Variants in ANKRD10 observed in about 807,000 individuals in gnomAD.
ANKRD10 encodes ankyrin repeat domain-containing protein 10.
In ANKRD10, 14 loss-of-function variants were observed where a neutral mutation model predicts 27.0. That is an observed-to-expected ratio of 0.52 (90% CI 0.34 to 0.81). The LOEUF (loss-of-function observed/expected upper bound fraction) is 0.81, where lower values mean the gene tolerates loss of function less well. Ranked by LOEUF, ANKRD10 falls within the 40% of genes least tolerant of loss-of-function variation. The pLI is 0.01. For synonymous variants in ANKRD10, 250 were observed against 224.5 expected, an observed-to-expected ratio of 1.11 and a Z score of -1.01; for missense variants, 493 against 544.0, an observed-to-expected ratio of 0.91 and a Z score of 0.93.
intron 4 of ANKRD10, among the ~76,000 whole-genome samples, chr13:110,887,376 A>G (rs1391036606): frequency 6.6e-6 from 1 of 152,160 alleles, no homozygotes; most frequent in Non-Finnish European, 1.5e-5. Context: ...AGGTCGTGCC[A>G]CTACAGAGGC....
intron 1 of ANKRD10, among the ~76,000 whole-genome samples, chr13:110,911,042 T>C (rs755152082): frequency 3.3e-5 from 5 of 152,228 alleles, no homozygotes; most frequent in Admixed American, 6.5e-5. Flanking sequence ...TTCCCTACAA[T>C]TGAATAAGCC....
intron 3 of ANKRD10, chr13:110,894,403 CAAAAAAA>C (rs5806877): frequency 2.1e-4 from 13 of 62,718 alleles, no homozygotes; most frequent in East Asian, 2.0e-3. Context: ...ACTGTTAATG[CAAAAAAA>C]AAAAAAAAAA....
At chr13:110,892,780 G>A (rs1231191866) in intron 4 of ANKRD10, 35 of 1,216,436 alleles carry the variant, frequency 2.9e-5, no homozygotes, top group Non-Finnish European at 3.3e-5. Flanking sequence ...GGTAAACATG[G>A]GTGCTCAAAA....
chr13:110,879,759 C>G lies in ANKRD10; in HGVS notation c.1141G>C (p.Gly381Arg). ...NLYYGHYHGFGDTAESIPELN... is the reference protein window; with the variant it reads ...NLYYGHYHGFRDTAESIPELN... Reference sequence around the variant, plus strand: ...TCTGGGATGCTTTCAGCAGTGTCCCCAAACCCGTGGTAGTGTCCATAGTAC... The same window carrying G: ...TCTGGGATGCTTTCAGCAGTGTCCCGAAACCCGTGGTAGTGTCCATAGTAC... Residue 381 changes from glycine to arginine, a missense_variant, in exon 6 of 6, where the codon GGG becomes CGG. Physicochemically the swap from Gly to Arg is moderately radical, Grantham distance 125. Coordinates refer to ENST00000267339, the MANE Select transcript of ANKRD10 (RefSeq NM_017664.4). 2 of 1,614,222 alleles carry G rather than the reference C, an allele frequency of 1.2e-6. No individual in the cohort carries two copies. Among genetic ancestry groups the G allele is most frequent in the Non-Finnish European group, 8.5e-7 (1 of 1,180,036 alleles).
intron 1 of ANKRD10, 122 bp downstream of exon 1, chr13:110,914,603 C>T: frequency 1.4e-6 from 2 of 1,395,848 alleles, no homozygotes; most frequent in South Asian, 1.5e-5. Flanking sequence ...GCACAGGCGC[C>T]GTCGATCCCG....
At chr13:110,898,616 C>T (rs1430099525) in intron 3 of ANKRD10, among the ~76,000 whole-genome samples, 1 of 152,106 alleles carries the variant, frequency 6.6e-6, no homozygotes, top group Non-Finnish European at 1.5e-5. Flanking sequence ...ATCACCCAGG[C>T]TGGAGTGCAG....
At chr13:110,892,823 A>G (rs2065117755) in intron 4 of ANKRD10, 1 of 1,358,198 alleles carries the variant, frequency 7.4e-7, no homozygotes, top group East Asian at 2.7e-5. Context: ...TTGGGCCATC[A>G]GTATTTCCCT....
chr13:110,887,835 C>T (rs1004487125), intron 4 of ANKRD10, among the ~76,000 whole-genome samples: 2 of 152,166 alleles, frequency 1.3e-5, no homozygotes, highest in East Asian at 1.9e-4. Flanking sequence ...GGACCCCTCC[C>T]GCCTGTGGCC....
chr13:110,878,572 G>A lies in ANKRD10; in HGVS notation c.*1065C>T, dbSNP rs1344692519. ...GAGAGTTTTTTATTCAATTTGTGAA[G>A]GACAGTTTTAGAACAAAATGTTAGT... is the stretch of plus-strand genomic sequence containing the variant. On this transcript the variant is annotated 3_prime_UTR_variant, in exon 6 of 6. Coordinates refer to ENST00000267339, the MANE Select transcript of ANKRD10 (RefSeq NM_017664.4). 1.3e-5 allele frequency: 2 copies of A among 152,262 alleles called. No individual in the cohort carries two copies. The highest frequency in any genetic ancestry group is 2.9e-5 in the Non-Finnish European group (2 of 68,036). The allele number at this position is 152,262 out of a possible 1,614,324, so 9.4% of individuals were successfully genotyped here.
At chr13:110,907,622 C>G (rs1304318208) in intron 2 of ANKRD10, among the ~76,000 whole-genome samples, 1 of 152,108 alleles carries the variant, frequency 6.6e-6, no homozygotes, top group Non-Finnish European at 1.5e-5. Context: ...TCTAAAGAGA[C>G]TATAAAGCAA....
At chr13:110,912,096 A>C (rs1296008957) in intron 1 of ANKRD10, among the ~76,000 whole-genome samples, 1 of 152,234 alleles carries the variant, frequency 6.6e-6, no homozygotes, top group Non-Finnish European at 1.5e-5. Flanking sequence ...CGCATTCAAC[A>C]AATTTACCAA....
chr13:110,880,802 C>T lies in ANKRD10; in HGVS notation c.788-690G>A, dbSNP rs550609720. Among the ~76,000 whole-genome samples, 10 of 152,198 alleles carry T rather than the reference C, an allele frequency of 6.6e-5. No homozygotes were observed. In the South Asian group the frequency reaches 2.1e-3, roughly 32 times the overall value. On this transcript the variant is annotated intron_variant, in intron 5 of 5. Coordinates refer to ENST00000267339, the MANE Select transcript of ANKRD10 (RefSeq NM_017664.4). The stretch of plus-strand genomic sequence containing the variant: ...GAGCAGTGGCAGAATACAGAGAGAC[C>T]GGCGACCACAGCAAGGAACTGTAAC...
intron 3 of ANKRD10, chr13:110,894,413 A>AAAAAAAAAC (rs2065169509): frequency 3.3e-6 from 1 of 302,976 alleles, no homozygotes; most frequent in Non-Finnish European, 6.0e-6. Context: ...CAAAAAAAAA[A>AAAAAAAAAC]AAAAAAAAAA....
chr13:110,885,559 AAAAG>A lies in ANKRD10; in HGVS notation c.692-1770_692-1767del, dbSNP rs367686330. Among the ~76,000 whole-genome samples the A allele has an allele frequency of 1.4e-3, 220 of 152,186 alleles. 1 individual carries two copies. The highest frequency in any genetic ancestry group is 3.9e-3 in the African/African-American group (160 of 41,520). On this transcript the variant is annotated intron_variant, in intron 4 of 5. Coordinates refer to ENST00000267339, the MANE Select transcript of ANKRD10 (RefSeq NM_017664.4). ...GAGACTCCATCTAAAAAAAAAGAAA[AAAAG>A]AAAGAAAGAAAAAGAAAAAAGAATG...
chr13:110,894,370 A>C, intron 3 of ANKRD10: 1 of 202,388 alleles, frequency 4.9e-6, no homozygotes, highest in Non-Finnish European at 9.6e-6. Flanking sequence ...CCACTCCAGA[A>C]CCCTGATGCC....
chr13:110,883,463 G>T, intron 5 of ANKRD10: 1 of 1,230,540 alleles, frequency 8.1e-7, no homozygotes. Context: ...CCCAAGATAT[G>T]CAAATTATAG....
chr13:110,887,032 G>T (rs763639002), intron 4 of ANKRD10, among the ~76,000 whole-genome samples: 1 of 152,134 alleles, frequency 6.6e-6, no homozygotes, highest in Admixed American at 6.5e-5. Context: ...CCTGCTCAGA[G>T]ATACAGCCAC....
chr13:110,892,433 A>AAAAG (rs1444814817), intron 4 of ANKRD10, among the ~76,000 whole-genome samples: 1 of 148,214 alleles, frequency 6.7e-6, no homozygotes, highest in Non-Finnish European at 1.5e-5. Flanking sequence ...AAAAAAAAAA[A>AAAAG]AAATGGTGGG....
At position 110,900,440 on chromosome 13, in the gene ANKRD10, T is replaced by A. The variant is rs146947255; in HGVS notation, c.455+5593A>T. 86 of 983,070 alleles carry A rather than the reference T, an allele frequency of 8.7e-5. No individual in the cohort carries two copies. The African/African-American group carries it at 1.4e-3, about 16-fold the overall frequency. 60.9% of individuals were successfully genotyped at this position (983,070 alleles called of 1,614,324 possible). A position where few individuals can be genotyped will look rare whatever the true frequency, so the allele number is the denominator to read the frequency against. ...TAGTTTACAAATAGAAAGGTAGATATCATAAATTAGGTAAGCAAAGCATGC... is the reference window on the plus strand; with the variant it reads ...TAGTTTACAAATAGAAAGGTAGATAACATAAATTAGGTAAGCAAAGCATGC... On this transcript the variant is annotated intron_variant, in intron 3 of 5. Transcript: ENST00000267339.
Sources: allele counts gnomAD v4.1 joint callset (sites outside exome capture counted in the v4.1 genomes callset), GRCh38; gene constraint gnomAD v4.1.1; transcripts MANE v1.5; gene names NCBI Gene and HGNC (gene_info 2026-07-23, HGNC 2026-07-21).